Variants in UNC5C observed in about 807,000 individuals in gnomAD.
The protein encoded by UNC5C is netrin receptor UNC5C.
UNC5C carries 47 observed loss-of-function variants against 99.8 expected under a neutral mutation model. The observed-to-expected ratio is 0.47, with a 90% CI of 0.37 to 0.60. The LOEUF is 0.60. UNC5C is among the 20% of genes least tolerant of loss of function. The probability of loss-of-function intolerance (pLI) is 0.00; values close to 1 mark genes in which losing one functional copy is unlikely to be tolerated. For synonymous variants in UNC5C, 487 were observed against 452.2 expected, an observed-to-expected ratio of 1.08 and a Z score of -0.98; for missense variants, 1,062 against 1,165.9, an observed-to-expected ratio of 0.91 and a Z score of 1.30.
Position 95,463,251 on chromosome 4 carries a change from C to T in UNC5C, c.124+85483G>A, listed in dbSNP as rs554747716. Among the ~76,000 whole-genome samples, 15 of 152,178 alleles carry T rather than the reference C, an allele frequency of 9.9e-5. No individual in the cohort carries two copies. The South Asian group carries it at 2.1e-3, about 21-fold the overall frequency. ...CGGGTGGCTGCGGGGACTGCAGAGCCGCTGAATATGTGGACACATCCCTAA... is the reference window on the plus strand; with the variant it reads ...CGGGTGGCTGCGGGGACTGCAGAGCTGCTGAATATGTGGACACATCCCTAA... On this transcript the variant is annotated intron_variant, in intron 1 of 15. Coordinates refer to ENST00000453304, the MANE Select transcript of UNC5C (RefSeq NM_003728.4).
intron 1 of UNC5C, among the ~76,000 whole-genome samples, chr4:95,344,842 CAAAAT>C (rs1420480937): frequency 6.6e-6 from 1 of 151,040 alleles, no homozygotes; most frequent in East Asian, 1.9e-4. Flanking sequence ...AAAACATACA[CAAAAT>C]AAAATAAAAA....
chr4:95,404,744 A>C (rs1015482261), intron 1 of UNC5C, among the ~76,000 whole-genome samples: 1 of 152,186 alleles, frequency 6.6e-6, no homozygotes, highest in African/African-American at 2.4e-5. Flanking sequence ...TTTTGTACCC[A>C]AAAAGTTGCC....
chr4:95,232,125 T>A (rs996872439), intron 7 of UNC5C, among the ~76,000 whole-genome samples: 3 of 152,082 alleles, frequency 2.0e-5, no homozygotes, highest in African/African-American at 7.2e-5. Context: ...TGCCTGAAAT[T>A]TAAACTAAGT....
intron 1 of UNC5C, among the ~76,000 whole-genome samples, chr4:95,543,118 C>G (rs1269917942): frequency 1.3e-5 from 2 of 151,938 alleles, no homozygotes; most frequent in East Asian, 3.9e-4. Context: ...TTCATGTAGC[C>G]CTCCTCCACA....
chr4:95,284,784 G>A (rs1741176107), intron 3 of UNC5C, among the ~76,000 whole-genome samples: 1 of 152,134 alleles, frequency 6.6e-6, no homozygotes, highest in Non-Finnish European at 1.5e-5. Context: ...GGAGGAAAAT[G>A]CCTATCCAAA....
intron 1 of UNC5C, among the ~76,000 whole-genome samples, chr4:95,529,629 A>G (rs1722590451): frequency 6.6e-6 from 1 of 152,002 alleles, no homozygotes; most frequent in African/African-American, 2.4e-5. Flanking sequence ...CAGGAGGCTC[A>G]GGCAGGAGGG....
At chr4:95,174,088 T>G (rs1345408717) in intron 14 of UNC5C, among the ~76,000 whole-genome samples, 5 of 152,194 alleles carry the variant, frequency 3.3e-5, no homozygotes, top group Admixed American at 1.3e-4. Context: ...ATTGGTGATA[T>G]CCCCTTTATC....
chr4:95,234,379 A>C (rs1449728660), intron 7 of UNC5C, among the ~76,000 whole-genome samples: 5 of 111,236 alleles, frequency 4.5e-5, no homozygotes, highest in Admixed American at 4.4e-4. Context: ...CAAATCGCTT[A>C]CCTTTTTTTT....
intron 2 of UNC5C, among the ~76,000 whole-genome samples, chr4:95,307,695 G>A (rs1035528374): frequency 6.6e-6 from 1 of 152,146 alleles, no homozygotes; most frequent in Non-Finnish European, 1.5e-5. Context: ...CAATAACCCT[G>A]ATAAACAAAG....
In UNC5C at chr4:95,206,707, G is replaced by A. The variant is rs1737889695; in HGVS notation, c.1823C>T (p.Thr608Ile). Residue 608 changes from threonine (T) to isoleucine (I), a missense_variant, in exon 11 of 16, where the codon ACT (threonine) becomes ATT (isoleucine). Physicochemically the swap from Thr to Ile is moderately conservative, Grantham distance 89. Transcript: ENST00000453304. ...GALLTRPVVL[T>I]MHHCADPNTE... ...ATTGGGGTCTGCGCAGTGATGCATA[G>A]TGAGGACGACTGGGCGGGTGAGCAG... is the stretch of plus-strand genomic sequence containing the variant. 1 of 1,614,096 alleles carries A rather than the reference G, an allele frequency of 6.2e-7. No homozygotes were observed. The highest frequency in any genetic ancestry group is 1.1e-5 in the South Asian group (1 of 91,072).
chr4:95,199,064 G>A (rs1315770810), intron 12 of UNC5C, among the ~76,000 whole-genome samples: 1 of 152,114 alleles, frequency 6.6e-6, no homozygotes, highest in Non-Finnish European at 1.5e-5. Context: ...TCTGTGCGCT[G>A]AGAATTCCTG....
At chr4:95,414,612 G>A (rs556202678) in intron 1 of UNC5C, among the ~76,000 whole-genome samples, 15 of 152,342 alleles carry the variant, frequency 9.8e-5, no homozygotes, top group African/African-American at 3.1e-4. Flanking sequence ...CCACAGGGAT[G>A]TGAACACTTC....
intron 4 of UNC5C, among the ~76,000 whole-genome samples, chr4:95,277,823 G>T (rs974775991): frequency 3.9e-5 from 6 of 152,126 alleles, no homozygotes; most frequent in African/African-American, 1.4e-4. Flanking sequence ...GTATGTCTAT[G>T]ACTTCATCAT....
chr4:95,428,335 C>G (rs1476956459), intron 1 of UNC5C, among the ~76,000 whole-genome samples: 1 of 152,160 alleles, frequency 6.6e-6, no homozygotes, highest in East Asian at 1.9e-4. Flanking sequence ...ACATGAACTG[C>G]TACTGTCAAG....
intron 2 of UNC5C, among the ~76,000 whole-genome samples, chr4:95,328,913 C>T (rs1473756417): frequency 6.6e-6 from 1 of 152,172 alleles, no homozygotes; most frequent in African/African-American, 2.4e-5. Flanking sequence ...GCACTCGCCC[C>T]AGCTCCTGCA....
chr4:95,221,402 G>A (rs915155813), intron 7 of UNC5C, among the ~76,000 whole-genome samples: 3 of 152,048 alleles, frequency 2.0e-5, no homozygotes, highest in Admixed American at 6.6e-5. Flanking sequence ...GAGGAACCAC[G>A]GCCCTCTCCT....
intron 1 of UNC5C, among the ~76,000 whole-genome samples, chr4:95,514,571 C>T (rs1021664838): frequency 2.0e-5 from 3 of 150,822 alleles, no homozygotes; most frequent in Non-Finnish European, 4.4e-5. Context: ...CTATATATCT[C>T]TTTAGTGTTT....
At chr4:95,257,494 G>A (rs1740046644) in intron 4 of UNC5C, among the ~76,000 whole-genome samples, 2 of 152,198 alleles carry the variant, frequency 1.3e-5, no homozygotes, top group Non-Finnish European at 1.5e-5. Flanking sequence ...GGAAGGGACA[G>A]AGGACAGGAC....
intron 1 of UNC5C, among the ~76,000 whole-genome samples, chr4:95,459,432 A>G (rs1747538204): frequency 6.6e-6 from 1 of 152,174 alleles, no homozygotes; most frequent in Non-Finnish European, 1.5e-5. Flanking sequence ...CCATTAAGGT[A>G]TCAGACTAGA....
Sources: gnomAD v4.1 joint callset for allele counts (sites outside exome capture counted in the v4.1 genomes callset) on GRCh38, gnomAD v4.1.1 for gene constraint, MANE v1.5 for transcripts, NCBI Gene and HGNC (gene_info 2026-07-23, HGNC 2026-07-21) for gene names.